Variants in ZNF420 observed in about 807,000 individuals in gnomAD.
The protein encoded by ZNF420 is zinc finger protein 420.
A neutral mutation model predicts 44.7 loss-of-function variants in ZNF420; 31 were observed. The observed-to-expected ratio is 0.69, with a 90% CI of 0.52 to 0.94. The LOEUF is 0.94. ZNF420 is among the 40% of genes least tolerant of loss of function. The pLI is 0.00. For missense variants in ZNF420, 681 were observed against 827.9 expected (o/e 0.82, Z 2.18); for synonymous variants, 245 against 267.4 (o/e 0.92, Z 0.82).
At chr19:37,072,307 G>A (rs540041375) in intron 1 of ZNF420, among the ~76,000 whole-genome samples, 2 of 152,212 alleles carry the variant, frequency 1.3e-5, no homozygotes, top group Admixed American at 6.5e-5. Flanking sequence ...AGGGAAGCAA[G>A]GCCATCCTAG....
In ZNF420 at chr19:37,017,922, A is replaced by ATT. The variant is rs1426365829; in HGVS notation, c.-125+9840_-125+9841insTT. On this transcript the variant is annotated intron_variant, in intron 1 of 4. Transcript: ENST00000587029. ...ATCTAATGTGTAAAAAACCCAAAAG[A>ATT]CTCCATAAACAAAAAACAACTAATA... Among the ~76,000 whole-genome samples, 13 of 152,090 alleles carry ATT rather than the reference A, an allele frequency of 8.5e-5. 1 individual carries two copies. Among genetic ancestry groups the ATT allele is most frequent in the Admixed American group, 8.5e-4 (13 of 15,256 alleles).
At chr19:37,059,983 C>A (rs973292327) in intron 1 of ZNF420, among the ~76,000 whole-genome samples, 1 of 152,088 alleles carries the variant, frequency 6.6e-6, no homozygotes, top group African/African-American at 2.4e-5. Context: ...AAAGGGATTT[C>A]TTGTATGTCC....
chr19:37,057,285 CA>C (rs1440218385), intron 1 of ZNF420, among the ~76,000 whole-genome samples: 2 of 152,188 alleles, frequency 1.3e-5, no homozygotes, highest in Admixed American at 6.5e-5. Flanking sequence ...TGAGCCTCCC[CA>C]AAACTTGTGC....
chr19:37,094,129 T>C (rs1219435657), intron 4 of ZNF420, among the ~76,000 whole-genome samples: 4 of 152,142 alleles, frequency 2.6e-5, no homozygotes, highest in African/African-American at 9.7e-5. Flanking sequence ...ATTCTCTAGG[T>C]TTTTCAAATG....
chr19:37,122,890 C>T (rs1189455454), intron 4 of ZNF420, among the ~76,000 whole-genome samples: 1 of 152,174 alleles, frequency 6.6e-6, no homozygotes, highest in Non-Finnish European at 1.5e-5. Flanking sequence ...CCAGATACCT[C>T]CCCAGAGTCA....
At chr19:37,037,804 A>G (rs1371399494) in intron 1 of ZNF420, among the ~76,000 whole-genome samples, 3 of 152,180 alleles carry the variant, frequency 2.0e-5, no homozygotes, top group African/African-American at 7.2e-5. Flanking sequence ...CAGCAACATA[A>G]CATTTATATG....
intron 4 of ZNF420, among the ~76,000 whole-genome samples, chr19:37,100,381 T>G (rs1969700094): frequency 6.6e-6 from 1 of 152,182 alleles, no homozygotes; most frequent in Non-Finnish European, 1.5e-5. Flanking sequence ...TTTCAAGTCA[T>G]GGAGTTTGAT....
chr19:37,028,355 C>G (rs1424222312), intron 1 of ZNF420, among the ~76,000 whole-genome samples: 1 of 152,100 alleles, frequency 6.6e-6, no homozygotes, highest in Non-Finnish European at 1.5e-5. Context: ...TGTGGTCTAC[C>G]TGAGTTTTGA....
intron 1 of ZNF420, among the ~76,000 whole-genome samples, chr19:37,008,519 A>G (rs1770885737): frequency 6.6e-6 from 1 of 152,202 alleles, no homozygotes; most frequent in Non-Finnish European, 1.5e-5. Context: ...AGCCAAGGAC[A>G]AAAGCATCAG....
Position 37,102,889 on chromosome 19 carries a change from C to G in ZNF420, c.136+11768C>G, listed in dbSNP as rs186927874. ...GTGCTAAATCTAATTTTTTTCTACA[C>G]GTCACTTTTTTTGTATTATTTATGG... On this transcript the variant is annotated intron_variant, in intron 4 of 4. Coordinates refer to ENST00000337995, the MANE Select transcript of ZNF420 (RefSeq NM_144689.5). 2.0e-5 allele frequency among the ~76,000 whole-genome samples: 3 copies of G among 152,056 alleles called. No homozygotes were observed. In the South Asian group the frequency reaches 6.2e-4, roughly 32 times the overall value.
intron 4 of ZNF420, among the ~76,000 whole-genome samples, chr19:37,112,322 T>A (rs1970424782): frequency 6.6e-6 from 1 of 152,116 alleles, no homozygotes; most frequent in South Asian, 2.1e-4. Flanking sequence ...AGTGATTTCC[T>A]CACCCCATTG....
intron 1 of ZNF420, among the ~76,000 whole-genome samples, chr19:37,012,808 GTGTGTC>G (rs1251179273): frequency 5.7e-5 from 8 of 140,024 alleles, no homozygotes; most frequent in African/African-American, 2.4e-4. Flanking sequence ...GTGTGTGTGT[GTGTGTC>G]TCCCATTCTC....
chr19:37,109,282 A>C (rs1218962388), intron 4 of ZNF420: 27 of 152,220 alleles, frequency 1.8e-4, no homozygotes, highest in Admixed American at 1.7e-3. Context: ...CATATACTTC[A>C]ATAGGATTAT....
chr19:37,019,648 G>A (rs754288555), intron 1 of ZNF420, among the ~76,000 whole-genome samples: 9 of 151,950 alleles, frequency 5.9e-5, no homozygotes, highest in Non-Finnish European at 7.4e-5. Flanking sequence ...AGTGGCATGT[G>A]CCTGTAATCC....
Position 37,091,040 on chromosome 19 carries a change from G to C in ZNF420, c.55G>C (p.Glu19Gln). ...RDVAIDFSQE[E>Q]WECLDSAQRD... The stretch of plus-strand genomic sequence containing the variant: ...TGTTGCCATTGACTTCTCTCAGGAA[G>C]AGTGGGAATGCCTGGACTCTGCTCA... Residue 19 changes from glutamate (E) to glutamine (Q), a missense_variant, in exon 4 of 5, where the codon GAG becomes CAG. Glu to Gln is a conservative substitution (Grantham distance 29). Around this residue, in one of 3 missense-constraint regions of ZNF420, gnomAD observed 350 missense variants for 382.5 expected, o/e 0.92. Coordinates refer to ENST00000337995, the MANE Select transcript of ZNF420 (RefSeq NM_144689.5). The C allele has an allele frequency of 6.2e-7, 1 of 1,613,646 alleles. No homozygotes were observed. Among genetic ancestry groups the C allele is most frequent in the Non-Finnish European group, 8.5e-7 (1 of 1,179,872 alleles).
In ZNF420 at chr19:37,012,309, C is replaced by T. The variant is rs547568989; in HGVS notation, c.-125+4227C>T. On this transcript the variant is annotated intron_variant, in intron 1 of 4. Coordinates refer to the ZNF420 transcript ENST00000587029. ...CGCAGCCTGACTTCCAGGAGCGGAG[C>T]GCGAGTCGGCCTAGCTAATGCGCAT... Among the ~76,000 whole-genome samples the T allele has an allele frequency of 3.9e-5, 6 of 152,318 alleles. No individual in the cohort carries two copies. In the South Asian group the frequency reaches 1.0e-3, roughly 26 times the overall value.
chr19:37,015,196 G>A (rs1568419093), intron 1 of ZNF420, among the ~76,000 whole-genome samples: 1 of 148,842 alleles, frequency 6.7e-6, no homozygotes, highest in Non-Finnish European at 1.5e-5. Flanking sequence ...GTGCGCTGGA[G>A]CGCGGTTTCT....
At chr19:37,063,659 TATC>T (rs1199376962) in intron 1 of ZNF420, among the ~76,000 whole-genome samples, 22 of 149,960 alleles carry the variant, frequency 1.5e-4, no homozygotes, top group Admixed American at 1.4e-4. Flanking sequence ...AATTAATAAA[TATC>T]ATATCCTCCT....
chr19:37,010,986 T>C (rs703532), intron 1 of ZNF420, among the ~76,000 whole-genome samples: 3,676 of 152,254 alleles, frequency 0.024, 163 homozygotes, highest in African/African-American at 0.083. Flanking sequence ...GAATGGGACA[T>C]GGCAAAAACC....
Sources: allele counts gnomAD v4.1 joint callset (sites outside exome capture counted in the v4.1 genomes callset), GRCh38; gene constraint gnomAD v4.1.1; regional missense constraint gnomAD v4.1.1; transcripts MANE v1.5; gene names NCBI Gene and HGNC (gene_info 2026-07-23, HGNC 2026-07-21).